The following OR4K1 variants were observed in gnomAD, a reference collection of about 807,000 sequenced individuals.
The protein encoded by OR4K1 is olfactory receptor 4K1.
OR4K1 carries 16 observed loss-of-function variants against 14.4 expected under a neutral mutation model. The ratio of observed to expected loss-of-function variants is 1.11; its 90% CI spans 0.75 to 1.68. OR4K1 has a LOEUF of 1.68. Among genes scored for constraint, OR4K1 ranks in the 40% most tolerant of loss-of-function variants. OR4K1 has a pLI of 0.00. For missense variants in OR4K1, 548 were observed against 376.9 expected (o/e 1.45, Z -3.76); for synonymous variants, 181 against 133.1 (o/e 1.36, Z -2.48).
chr14:19,936,698 T>C lies in OR4K1; in HGVS notation c.*96T>C, dbSNP rs1171059224. ...CCATCTTTGCCAGACATATGGGTTA[T>C]TGAGTTACAGAATTGGCTTTTTGTT... On this transcript the variant is annotated 3_prime_UTR_variant, in exon 2 of 2. Coordinates refer to ENST00000641172, the MANE Select transcript of OR4K1 (RefSeq NM_001004063.3). The C allele has an allele frequency of 2.7e-5, 31 of 1,162,476 alleles. No homozygotes were observed. Among genetic ancestry groups the C allele is most frequent in the East Asian group, 7.5e-5 (3 of 40,218 alleles). The allele number at this position is 1,162,476 out of a possible 1,614,324, so 72.0% of individuals were successfully genotyped here.
upstream of OR4K1, among the ~76,000 whole-genome samples, chr14:19,926,958 A>G (rs1456681425): frequency 6.6e-6 from 1 of 152,248 alleles, no homozygotes; most frequent in Admixed American, 6.5e-5. Flanking sequence ...GTACCTGACC[A>G]TTGATTTCCA....
At chr14:19,929,197 T>C (rs1257749693), upstream of OR4K1, among the ~76,000 whole-genome samples, 1 of 150,428 alleles carries the variant, frequency 6.6e-6, no homozygotes, top group Admixed American at 6.6e-5. Context: ...ATTTCATTTA[T>C]ATAGTAATCT....
chr14:19,933,937 A>G (rs2792151), intron 1 of OR4K1, among the ~76,000 whole-genome samples: 124,561 of 152,064 alleles, frequency 0.82, 50,254 homozygotes, highest in East Asian at 0.97. Flanking sequence ...AAACACGGAA[A>G]GCCCTGAAAG....
intron 1 of OR4K1, among the ~76,000 whole-genome samples, chr14:19,931,687 C>T (rs1444224462): frequency 9.9e-5 from 15 of 152,224 alleles, no homozygotes; most frequent in Admixed American, 5.9e-4. Flanking sequence ...AATGCAACAG[C>T]AACCCTTTCA....
intron 1 of OR4K1, among the ~76,000 whole-genome samples, chr14:19,932,593 C>T (rs1280708105): frequency 6.6e-6 from 1 of 152,236 alleles, no homozygotes; most frequent in Admixed American, 6.5e-5. Context: ...AGAGCCCCAC[C>T]ACTGTTCTAT....
the OR4K1 span, among the ~76,000 whole-genome samples, chr14:19,923,825 G>C: frequency 6.6e-6 from 1 of 152,162 alleles, no homozygotes; most frequent in Non-Finnish European, 1.5e-5. Context: ...TATTTTTTTA[G>C]AGTTACTTTT....
At chr14:19,924,976 A>T in the OR4K1 span, among the ~76,000 whole-genome samples, 2 of 152,260 alleles carry the variant, frequency 1.3e-5, no homozygotes, top group African/African-American at 4.8e-5. Context: ...AAAAATAAAT[A>T]AAAAAATAAA....
chr14:19,921,248 G>A, the OR4K1 span: 1 of 1,614,118 alleles, frequency 6.2e-7, no homozygotes, highest in Admixed American at 1.7e-5. Context: ...TCTCTCTCTT[G>A]GTCAGCTCCT....
upstream of OR4K1, among the ~76,000 whole-genome samples, chr14:19,928,386 T>A (rs1882106678): frequency 6.6e-6 from 1 of 152,218 alleles, no homozygotes; most frequent in Non-Finnish European, 1.5e-5. Flanking sequence ...TTAGCCAGGA[T>A]CTCTTCAGCT....
upstream of OR4K1, among the ~76,000 whole-genome samples, chr14:19,927,402 T>A (rs74885231): frequency 0.02 from 3,111 of 152,066 alleles, 63 homozygotes; most frequent in African/African-American, 0.064. Context: ...AAACATGAAT[T>A]TGTGGGCTTT....
chr14:19,931,702 C>A (rs1327030849), intron 1 of OR4K1, among the ~76,000 whole-genome samples: 1 of 152,184 alleles, frequency 6.6e-6, no homozygotes, highest in Non-Finnish European at 1.5e-5. Context: ...CTTTCATATC[C>A]AACTTGGCTT....
In OR4K1 at chr14:19,935,928, G is replaced by A; in HGVS notation, c.262G>A (p.Glu88Lys). Residue 88 changes from glutamate to lysine, a missense_variant, in exon 2 of 2, where the codon GAG becomes AAG. Coordinates refer to ENST00000641172, the MANE Select transcript of OR4K1 (RefSeq NM_001004063.3). ...TPKMLVDFFI[E>K]RKTISFEGCM... ...CAAGATGCTTGTAGACTTTTTTATTGAGCGCAAGACTATCTCCTTTGAGGG... is the reference window on the plus strand; with the variant it reads ...CAAGATGCTTGTAGACTTTTTTATTAAGCGCAAGACTATCTCCTTTGAGGG... The A allele has an allele frequency of 6.2e-7, 1 of 1,614,110 alleles. No individual in the cohort carries two copies. The highest frequency in any genetic ancestry group is 8.5e-7 in the Non-Finnish European group (1 of 1,180,026).
At chr14:19,923,069 C>T in the OR4K1 span, among the ~76,000 whole-genome samples, 9 of 152,200 alleles carry the variant, frequency 5.9e-5, no homozygotes, top group South Asian at 2.1e-4. Flanking sequence ...AGAATTTCAT[C>T]GCTTTGTAAC....
intron 1 of OR4K1, among the ~76,000 whole-genome samples, chr14:19,931,765 C>T (rs1445270861): frequency 1.4e-4 from 21 of 152,326 alleles, no homozygotes; most frequent in African/African-American, 3.6e-4. Flanking sequence ...TCTGAAAACA[C>T]TCCTATCTCT....
rs1343268242 is a variant in OR4K1 at position 19,936,666 on chromosome 14, A to T, written c.*64A>T. 7.0e-7 allele frequency: 1 copy of T among 1,421,742 alleles called. No homozygotes were observed. The highest frequency in any genetic ancestry group is 2.3e-5 in the East Asian group (1 of 43,376). The allele number at this position is 1,421,742 out of a possible 1,614,324, so 88.1% of individuals were successfully genotyped here. ...AGACCCTCCAGTGTATCATAGTGTC[A>T]TGCCAACCATCTTTGCCAGACATAT... On this transcript the variant is annotated 3_prime_UTR_variant, in exon 2 of 2. Transcript: ENST00000641172.
chr14:19,925,498 T>G, the OR4K1 span, among the ~76,000 whole-genome samples: 1 of 152,276 alleles, frequency 6.6e-6, no homozygotes, highest in African/African-American at 2.4e-5. Context: ...GGGATTTGTT[T>G]ATGGTAGATG....
Position 19,936,467 on chromosome 14 carries a change from G to T in OR4K1, c.801G>T (p.Val267=). Residue 267 remains valine, a synonymous_variant, in exon 2 of 2, where the codon GTG becomes GTT. Transcript: ENST00000641172. ...FYIWPFSRLP[V]DKFLSVFYTV... Reference sequence around the variant, plus strand: ...TATGGCCTTTTAGCAGACTTCCTGTGGACAAATTTCTTTCTGTGTTCTACA... The same window carrying T: ...TATGGCCTTTTAGCAGACTTCCTGTTGACAAATTTCTTTCTGTGTTCTACA... The T allele has an allele frequency of 6.2e-7, 1 of 1,613,902 alleles. No homozygotes were observed.
chr14:19,921,679 T>C, the OR4K1 span: 7 of 1,213,022 alleles, frequency 5.8e-6, no homozygotes, highest in African/African-American at 4.6e-5. Flanking sequence ...AAGAAGATAA[T>C]ATAGAGAACA....
At chr14:19,925,286 G>C in the OR4K1 span, among the ~76,000 whole-genome samples, 141 of 152,192 alleles carry the variant, frequency 9.3e-4, no homozygotes, top group East Asian at 0.02. Flanking sequence ...ACATTGAACA[G>C]ATTACTTAGC....
Sources: gnomAD v4.1 joint callset for allele counts (sites outside exome capture counted in the v4.1 genomes callset) on GRCh38, gnomAD v4.1.1 for gene constraint, MANE v1.5 for transcripts, NCBI Gene and HGNC (gene_info 2026-07-23, HGNC 2026-07-21) for gene names.